SLC44A5: variants seen among roughly 807,000 people sequenced by gnomAD.
SLC44A5 encodes solute carrier family 44 member 5, also known as choline transporter-like protein 5.
SLC44A5 carries 57 observed loss-of-function variants against 101.8 expected under a neutral mutation model. The observed-to-expected ratio is 0.56, with a 90% CI of 0.45 to 0.70. The LOEUF is 0.70. Among genes scored for constraint, SLC44A5 ranks in the 30% least tolerant of loss-of-function variants. The pLI, the probability that SLC44A5 is intolerant of heterozygous loss-of-function variation, is 0.00. For missense variants in SLC44A5, 737 were observed against 853.1 expected (o/e 0.86, Z 1.70); for synonymous variants, 281 against 290.9 (o/e 0.97, Z 0.35).
intron 1 of SLC44A5, among the ~76,000 whole-genome samples, chr1:75,589,089 C>A (rs1332258889): frequency 2.0e-5 from 3 of 152,122 alleles, no homozygotes; most frequent in Non-Finnish European, 4.4e-5. Context: ...TTCACGCGCA[C>A]CCTCTCTCTT....
intron 2 of SLC44A5, among the ~76,000 whole-genome samples, chr1:75,510,152 G>A (rs1244149672): frequency 6.6e-6 from 1 of 152,106 alleles, no homozygotes; most frequent in Non-Finnish European, 1.5e-5. Context: ...CATGAGACAT[G>A]AGAATTATGG....
At chr1:75,651,327 T>A in the SLC44A5 span, among the ~76,000 whole-genome samples, 6,641 of 152,236 alleles carry the variant, frequency 0.044, 201 homozygotes, top group African/African-American at 0.09. Flanking sequence ...ATCTGCCTTG[T>A]TTATACCCTA....
At chr1:75,712,453 C>T in the SLC44A5 span, among the ~76,000 whole-genome samples, 1 of 152,088 alleles carries the variant, frequency 6.6e-6, no homozygotes, top group African/African-American at 2.4e-5. Context: ...AGCCAAGTAG[C>T]TACATCTAGT....
rs142487844 is a variant in SLC44A5, at chr1:75,569,445, T to C, written c.-69-27929A>G. 2.5e-4 allele frequency among the ~76,000 whole-genome samples: 38 copies of C among 152,196 alleles called. No individual in the cohort carries two copies. In the East Asian group the frequency reaches 7.2e-3, roughly 29 times the overall value. ...TTTGTAGAGACAAGATTTCACCTCG[T>C]TGCCCAGGCTGGTCTCGAACTCATG... is the stretch of plus-strand genomic sequence containing the variant. On this transcript the variant is annotated intron_variant, in intron 1 of 23. Coordinates refer to ENST00000370859, the MANE Select transcript of SLC44A5 (RefSeq NM_001130058.2).
In SLC44A5 at chr1:75,222,400, C is replaced by A; in HGVS notation, c.1046G>T (p.Arg349Leu). The change falls in exon 14 of 24, where the codon CGA becomes CTA. Residue 349 changes from arginine (R) to leucine (L), a missense_variant. This residue lies in a region of SLC44A5 where 665 missense variants were observed against 764.4 expected (regional missense o/e 0.87). Coordinates refer to ENST00000370859, the MANE Select transcript of SLC44A5 (RefSeq NM_001130058.2). ...VILMLIFLRN[R>L]IRVAIILLKE... is the part of the protein sequence containing the mutation. ...CAGCAGGATAATGGCGACTCGGATT[C>A]GATTCCTGAGGAAGATCAGCATGAG... 1 of 1,613,568 alleles carries A rather than the reference C, an allele frequency of 6.2e-7. No individual in the cohort carries two copies. Among genetic ancestry groups the A allele is most frequent in the Non-Finnish European group, 8.5e-7 (1 of 1,179,844 alleles).
At position 75,548,230 on chromosome 1, in the gene SLC44A5, T is replaced by C. The variant is rs945417057; in HGVS notation, c.-69-6714A>G. Among the ~76,000 whole-genome samples the C allele has an allele frequency of 3.3e-5, 5 of 152,096 alleles. No individual in the cohort carries two copies. In the East Asian group the frequency reaches 9.6e-4, roughly 29 times the overall value. On this transcript the variant is annotated intron_variant, in intron 1 of 23. Transcript: ENST00000370859. ...GGAGGACTTAGTCTAATCTTTTAAT[T>C]TAGAGACCAGTTTCCTTCTCTTCAA...
chr1:75,528,939 C>T (rs1229479933), intron 2 of SLC44A5, among the ~76,000 whole-genome samples: 1 of 152,148 alleles, frequency 6.6e-6, no homozygotes, highest in African/African-American at 2.4e-5. Context: ...TTACCTGACT[C>T]AAGTAAAAAT....
At chr1:75,465,603 T>C (rs927035458) in intron 2 of SLC44A5, among the ~76,000 whole-genome samples, 2 of 151,618 alleles carry the variant, frequency 1.3e-5, no homozygotes, top group African/African-American at 4.8e-5. Flanking sequence ...AAAGTTGGTT[T>C]TAAAAAACAT....
chr1:75,311,379 A>T (rs574962273), intron 4 of SLC44A5, among the ~76,000 whole-genome samples: 1 of 152,306 alleles, frequency 6.6e-6, no homozygotes, highest in Non-Finnish European at 1.5e-5. Flanking sequence ...GGCCTCCCAA[A>T]GTGCTGGGAT....
intron 5 of SLC44A5, among the ~76,000 whole-genome samples, chr1:75,295,477 A>G (rs1429164330): frequency 6.6e-6 from 1 of 152,224 alleles, no homozygotes; most frequent in South Asian, 2.1e-4. Context: ...ACTCTGAACT[A>G]GGTTTGCTGG....
At chr1:75,357,292 A>C (rs748320253) in intron 3 of SLC44A5, 1 of 452,008 alleles carries the variant, frequency 2.2e-6, no homozygotes, top group Non-Finnish European at 4.4e-6. Flanking sequence ...AGGCTCAGGC[A>C]GCCTGTGATA....
chr1:75,212,187 T>C (rs1021680750), intron 22 of SLC44A5, among the ~76,000 whole-genome samples: 1 of 152,178 alleles, frequency 6.6e-6, no homozygotes, highest in East Asian at 1.9e-4. Context: ...TTTAAACTTT[T>C]ATTTTTTTAA....
intron 5 of SLC44A5, among the ~76,000 whole-genome samples, chr1:75,283,810 A>G (rs1358472695): frequency 6.6e-6 from 1 of 151,588 alleles, no homozygotes; most frequent in Non-Finnish European, 1.5e-5. Context: ...GGCTGTAAGT[A>G]TTTGGCTTTA....
At chr1:75,506,133 T>C (rs942858160) in intron 2 of SLC44A5, among the ~76,000 whole-genome samples, 6 of 152,168 alleles carry the variant, frequency 3.9e-5, no homozygotes, top group Admixed American at 2.6e-4. Flanking sequence ...CTTATTTTTG[T>C]TGATTTTGTT....
chr1:75,615,292 T>G (rs987175081), upstream of SLC44A5, among the ~76,000 whole-genome samples: 24 of 151,410 alleles, frequency 1.6e-4, no homozygotes, highest in African/African-American at 5.6e-4. Context: ...AGCTCCAATC[T>G]CCTCCTGAGG....
chr1:75,652,573 T>C, the SLC44A5 span, among the ~76,000 whole-genome samples: 4 of 152,154 alleles, frequency 2.6e-5, no homozygotes, highest in Non-Finnish European at 5.9e-5. Flanking sequence ...GGTGGGCAGA[T>C]TGCTTGAGAC....
intron 2 of SLC44A5, among the ~76,000 whole-genome samples, chr1:75,530,246 A>G (rs984166828): frequency 6.6e-6 from 1 of 152,174 alleles, no homozygotes; most frequent in Non-Finnish European, 1.5e-5. Context: ...AACTAAGGGC[A>G]TCACTAAGAA....
chr1:75,631,539 A>ATTTTTTTT, the SLC44A5 span, among the ~76,000 whole-genome samples: 1 of 80,850 alleles, frequency 1.2e-5, no homozygotes, highest in Non-Finnish European at 2.2e-5. Flanking sequence ...CACCTGGCTA[A>ATTTTTTTT]TTTTTTTTTT....
chr1:75,360,759 T>G (rs1659428299), intron 3 of SLC44A5, among the ~76,000 whole-genome samples: 2 of 152,194 alleles, frequency 1.3e-5, no homozygotes, highest in African/African-American at 4.8e-5. Context: ...TCTTTGGCTT[T>G]GTTCCTTTTG....
Sources: gnomAD v4.1 joint callset for allele counts (sites outside exome capture counted in the v4.1 genomes callset) on GRCh38, gnomAD v4.1.1 for gene constraint, gnomAD v4.1.1 regional missense constraint, MANE v1.5 for transcripts, NCBI Gene and HGNC (gene_info 2026-07-23, HGNC 2026-07-21) for gene names.